RAB3C: variants seen among roughly 807,000 people sequenced by gnomAD.
RAB3C encodes ras-related protein Rab-3C.
A neutral mutation model predicts 26.4 loss-of-function variants in RAB3C; 17 were observed. That is an observed-to-expected ratio of 0.64 (90% CI 0.44 to 0.97). The LOEUF (loss-of-function observed/expected upper bound fraction) is 0.97, where lower values mean the gene tolerates loss of function less well. Among genes scored for constraint, RAB3C ranks in the 50% least tolerant of loss-of-function variants. The pLI, the probability that RAB3C is intolerant of heterozygous loss-of-function variation, is 0.00. For missense variants in RAB3C, 242 were observed against 281.9 expected (o/e 0.86, Z 1.01); for synonymous variants, 91 against 95.9 (o/e 0.95, Z 0.30).
At chr5:58,844,509 G>T (rs867855608) in intron 4 of RAB3C, among the ~76,000 whole-genome samples, 12 of 152,134 alleles carry the variant, frequency 7.9e-5, no homozygotes, top group African/African-American at 2.4e-4. Flanking sequence ...TCTGGGCTGG[G>T]GCCCAGTAGA....
At chr5:58,788,997 AT>A (rs1742459349) in intron 3 of RAB3C, among the ~76,000 whole-genome samples, 8 of 152,172 alleles carry the variant, frequency 5.3e-5, no homozygotes, top group Admixed American at 5.2e-4. Context: ...TTAGGAGTCT[AT>A]GCTAAGGAAC....
At chr5:58,600,467 A>G (rs1027200665) in intron 1 of RAB3C, among the ~76,000 whole-genome samples, 6 of 152,148 alleles carry the variant, frequency 3.9e-5, no homozygotes, top group African/African-American at 1.2e-4. Flanking sequence ...CTACCCATAC[A>G]TGAGCATGGG....
intron 4 of RAB3C, among the ~76,000 whole-genome samples, chr5:58,844,262 C>A (rs1476774049): frequency 6.6e-6 from 1 of 152,144 alleles, no homozygotes; most frequent in African/African-American, 2.4e-5. Flanking sequence ...TTTGTTAAGG[C>A]CATAGACTGA....
rs553928989 is a variant in RAB3C, at chr5:58,637,805, G to A, written c.252+19935G>A. On this transcript the variant is annotated intron_variant, in intron 2 of 4. Transcript: ENST00000282878. ...TCTTACTACCCAAAGGTAACTATTT[G>A]GCATACAGCTTTCCGATTTTTCCCT... Among the ~76,000 whole-genome samples, 10 of 152,030 alleles carry A rather than the reference G, an allele frequency of 6.6e-5. No homozygotes were observed. In the South Asian group the frequency reaches 2.1e-3, roughly 32 times the overall value.
At chr5:58,718,841 T>G (rs1029091578) in intron 2 of RAB3C, among the ~76,000 whole-genome samples, 1 of 152,024 alleles carries the variant, frequency 6.6e-6, no homozygotes, top group Non-Finnish European at 1.5e-5. Flanking sequence ...AAATTTTATT[T>G]TAATGGAGGA....
intron 2 of RAB3C, among the ~76,000 whole-genome samples, chr5:58,716,546 A>G (rs1184263194): frequency 6.6e-6 from 1 of 152,070 alleles, no homozygotes; most frequent in Non-Finnish European, 1.5e-5. Flanking sequence ...AAAATGGTCT[A>G]CTGCTTCAGA....
At chr5:58,643,441 G>C (rs1747452799) in intron 2 of RAB3C, among the ~76,000 whole-genome samples, 1 of 152,004 alleles carries the variant, frequency 6.6e-6, no homozygotes, top group Non-Finnish European at 1.5e-5. Context: ...TTATTTTTAG[G>C]ACCCTAGTAA....
At chr5:58,824,926 G>GTT (rs11384049) in intron 3 of RAB3C, 112 bp from the exon 4 acceptor site, 11,418 of 598,938 alleles carry the variant, frequency 0.019, no homozygotes, top group South Asian at 0.024. Flanking sequence ...TGGACATCGT[G>GTT]TTTTTTTTTT....
chr5:58,584,811 A>G (rs1745977651), intron 1 of RAB3C, among the ~76,000 whole-genome samples: 1 of 146,586 alleles, frequency 6.8e-6, no homozygotes, highest in Non-Finnish European at 1.5e-5. Context: ...AAATTACGAA[A>G]AATTTAACCA....
At chr5:58,779,529 C>T (rs934041754) in intron 3 of RAB3C, among the ~76,000 whole-genome samples, 1 of 151,768 alleles carries the variant, frequency 6.6e-6, no homozygotes, top group African/African-American at 2.4e-5. Flanking sequence ...GGACTACAGG[C>T]ACTCACCACA....
rs1747210957 is a variant in RAB3C, at chr5:58,632,736, T to C, written c.252+14866T>C. Among the ~76,000 whole-genome samples, 3 of 152,156 alleles carry C rather than the reference T, an allele frequency of 2.0e-5. No individual in the cohort carries two copies. In the South Asian group the frequency reaches 6.2e-4, roughly 32 times the overall value. ...CTTAAGAGCTTCTGACATACTGTAT[T>C]TGACAATGGTTCTACTTGCTCTTTC... is the stretch of plus-strand genomic sequence containing the variant. On this transcript the variant is annotated intron_variant, in intron 2 of 4. Transcript: ENST00000282878.
At chr5:58,782,701 G>T (rs929592702) in intron 3 of RAB3C, among the ~76,000 whole-genome samples, 2 of 152,030 alleles carry the variant, frequency 1.3e-5, no homozygotes, top group African/African-American at 4.8e-5. Context: ...CTGTATTTGA[G>T]AATTCTACAG....
At chr5:58,596,491 A>G (rs1746256374) in intron 1 of RAB3C, among the ~76,000 whole-genome samples, 1 of 137,486 alleles carries the variant, frequency 7.3e-6, no homozygotes, top group Non-Finnish European at 1.5e-5. Context: ...TATAGTAAAT[A>G]TATATATAAA....
At chr5:58,640,698 T>G (rs1211465341) in intron 2 of RAB3C, among the ~76,000 whole-genome samples, 1 of 152,120 alleles carries the variant, frequency 6.6e-6, no homozygotes, top group East Asian at 1.9e-4. Context: ...GATACTGAAA[T>G]GAAACAGTAG....
At chr5:58,782,177 G>T (rs1412318634) in intron 3 of RAB3C, among the ~76,000 whole-genome samples, 1 of 152,070 alleles carries the variant, frequency 6.6e-6, no homozygotes, top group Non-Finnish European at 1.5e-5. Flanking sequence ...ATGGGAAGCG[G>T]AATACATTGG....
chr5:58,695,099 AT>A (rs1313717088), intron 2 of RAB3C, among the ~76,000 whole-genome samples: 2 of 152,200 alleles, frequency 1.3e-5, no homozygotes, highest in Non-Finnish European at 2.9e-5. Context: ...TCTTGAACTA[AT>A]TTTTATATGA....
At chr5:58,725,391 A>AT (rs1258946262) in intron 2 of RAB3C, among the ~76,000 whole-genome samples, 2 of 151,834 alleles carry the variant, frequency 1.3e-5, no homozygotes, top group South Asian at 2.1e-4. Context: ...TTTGACTATT[A>AT]TAAGTCTTGG....
intron 3 of RAB3C, among the ~76,000 whole-genome samples, chr5:58,815,162 C>T (rs944199214): frequency 9.2e-5 from 14 of 152,278 alleles, no homozygotes; most frequent in Middle Eastern, 3.4e-3. Context: ...ATATGAATTT[C>T]TTACCAAGTT....
At chr5:58,597,237 A>AAT (rs369893413) in intron 1 of RAB3C, among the ~76,000 whole-genome samples, 2 of 4,554 alleles carry the variant, frequency 4.4e-4, no homozygotes, top group South Asian at 0.013. Context: ...TATACTACAC[A>AAT]ATATATTATA....
Sources: allele counts gnomAD v4.1 joint callset (sites outside exome capture counted in the v4.1 genomes callset), GRCh38; gene constraint gnomAD v4.1.1; transcripts MANE v1.5; gene names NCBI Gene and HGNC (gene_info 2026-07-23, HGNC 2026-07-21).